SV2C: variants seen among roughly 807,000 people sequenced by gnomAD.
The protein encoded by SV2C is solute carrier family 22 member B3.
Under a neutral mutation model 79.7 loss-of-function variants are expected in SV2C, and 49 were observed. That is an observed-to-expected ratio of 0.61 (90% CI 0.49 to 0.78). SV2C has a LOEUF of 0.78. SV2C is among the 30% of genes least tolerant of loss of function. SV2C has a pLI of 0.00. For missense variants in SV2C, 833 were observed against 912.9 expected, an observed-to-expected ratio of 0.91 and a Z score of 1.13; for synonymous variants, 334 against 333.2, an observed-to-expected ratio of 1.00 and a Z score of -0.03.
At chr5:76,184,962 A>G (rs1026250668) in intron 2 of SV2C, among the ~76,000 whole-genome samples, 3 of 152,192 alleles carry the variant, frequency 2.0e-5, no homozygotes, top group Admixed American at 1.3e-4. Flanking sequence ...CCTTCTTCCT[A>G]TGAGCCTGTA....
At chr5:76,351,272 C>T (rs1749635872) in intron 12 of SV2C, among the ~76,000 whole-genome samples, 1 of 151,982 alleles carries the variant, frequency 6.6e-6, no homozygotes, top group Non-Finnish European at 1.5e-5. Flanking sequence ...ATAGTGAGAC[C>T]TTGTCTCTAC....
the SV2C span, among the ~76,000 whole-genome samples, chr5:76,065,167 A>G: frequency 4.2e-4 from 64 of 152,352 alleles, no homozygotes; most frequent in Admixed American, 4.6e-4. Context: ...CTGAACCTTC[A>G]GTGCATGTAG....
chr5:76,016,922 A>G, the SV2C span, among the ~76,000 whole-genome samples: 1 of 152,250 alleles, frequency 6.6e-6, no homozygotes. Flanking sequence ...TGTCATTAAT[A>G]TCATTAAAAT....
chr5:76,264,949 T>C (rs998990879), intron 4 of SV2C, among the ~76,000 whole-genome samples: 3 of 152,200 alleles, frequency 2.0e-5, no homozygotes, highest in Admixed American at 6.5e-5. Context: ...TGTCCCTTGG[T>C]AGAGCTTGAG....
chr5:75,910,841 G>T, the SV2C span: 1 of 1,270,516 alleles, frequency 7.9e-7, no homozygotes, highest in Non-Finnish European at 1.1e-6. Context: ...CTTCTACAGG[G>T]AAATGAGCAA....
intron 2 of SV2C, among the ~76,000 whole-genome samples, chr5:76,186,317 T>C (rs951574324): frequency 6.6e-6 from 1 of 152,202 alleles, no homozygotes. Context: ...AGAGCAGTGC[T>C]TCACTACCCA....
chr5:76,020,854 C>G, the SV2C span, among the ~76,000 whole-genome samples: 1 of 152,140 alleles, frequency 6.6e-6, no homozygotes. Context: ...TTACTGAAGG[C>G]AGAAGATTCT....
intron 1 of SV2C, among the ~76,000 whole-genome samples, chr5:76,127,658 G>A (rs1748753558): frequency 6.6e-6 from 1 of 152,148 alleles, no homozygotes; most frequent in African/African-American, 2.4e-5. Flanking sequence ...GTGTGCCTTT[G>A]CCTTCCTCGG....
the SV2C span, among the ~76,000 whole-genome samples, chr5:75,883,400 A>T: frequency 1.4e-5 from 2 of 144,182 alleles, no homozygotes; most frequent in African/African-American, 5.7e-5. Flanking sequence ...ACGTATGTTT[A>T]TTGCGGCATT....
At chr5:75,941,619 A>G in the SV2C span, among the ~76,000 whole-genome samples, 1 of 152,208 alleles carries the variant, frequency 6.6e-6, no homozygotes, top group Non-Finnish European at 1.5e-5. Context: ...TATGATACAT[A>G]CATTGGTTTT....
chr5:76,088,844 A>G (rs942188294), intron 1 of SV2C, among the ~76,000 whole-genome samples: 2 of 152,110 alleles, frequency 1.3e-5, no homozygotes, highest in Non-Finnish European at 2.9e-5. Flanking sequence ...CCCCTTCACT[A>G]ATCTACAAAT....
chr5:76,330,514 GA>G lies in SV2C; in HGVS notation c.*4969del, dbSNP rs1180807011. ...TGAGGGCAAGGAAAACAGAATGAGA[GA>G]AGACACTCTCACACTGACCCCCATT... On this transcript the variant is annotated 3_prime_UTR_variant, in exon 13 of 13. Transcript: ENST00000502798. The G allele has an allele frequency of 1.3e-5, 2 of 151,584 alleles. No individual in the cohort carries two copies. Among genetic ancestry groups the G allele is most frequent in the African/African-American group, 4.8e-5 (2 of 41,246 alleles). 9.4% of individuals were successfully genotyped at this position (151,584 alleles called of 1,614,324 possible). A position where few individuals can be genotyped will look rare whatever the true frequency, so the allele number is the denominator to read the frequency against.
chr5:76,141,418 G>A (rs927541967), intron 2 of SV2C, among the ~76,000 whole-genome samples: 1 of 152,160 alleles, frequency 6.6e-6, no homozygotes, highest in Non-Finnish European at 1.5e-5. Flanking sequence ...CTAACGCTGA[G>A]AGCACTGGCC....
the SV2C span, among the ~76,000 whole-genome samples, chr5:75,946,305 C>A: frequency 1.3e-5 from 2 of 152,084 alleles, no homozygotes; most frequent in Non-Finnish European, 2.9e-5. Context: ...AATGTTTTAG[C>A]ATCATTTTTG....
the SV2C span, among the ~76,000 whole-genome samples, chr5:76,002,781 T>C: frequency 4.6e-5 from 7 of 152,164 alleles, no homozygotes; most frequent in Non-Finnish European, 1.0e-4. Flanking sequence ...TATGAAACAC[T>C]AAGAAGTGTA....
the SV2C span, among the ~76,000 whole-genome samples, chr5:75,930,417 A>C: frequency 3.3e-5 from 5 of 152,228 alleles, no homozygotes; most frequent in Non-Finnish European, 7.3e-5. Flanking sequence ...CTGGAAATTT[A>C]AGATTGAATT....
At chr5:75,868,417 G>A in the SV2C span, among the ~76,000 whole-genome samples, 18 of 152,248 alleles carry the variant, frequency 1.2e-4, no homozygotes, top group East Asian at 3.3e-3. Context: ...GAGCACTCGG[G>A]CTACTATGTG....
At position 76,327,447 on chromosome 5, in the gene SV2C, T is replaced by C. The variant is rs1453481174; in HGVS notation, c.*1900T>C. The C allele has an allele frequency of 1.3e-5, 2 of 152,256 alleles. No individual in the cohort carries two copies. Among genetic ancestry groups the C allele is most frequent in the Non-Finnish European group, 2.9e-5 (2 of 68,050 alleles). The allele number at this position is 152,256 out of a possible 1,614,324, so 9.4% of individuals were successfully genotyped here. ...GAAAGAAACAACTTTCTCTCACTTCTGCCTCCTATCATTTTATTGGAGAAC... is the reference window on the plus strand; with the variant it reads ...GAAAGAAACAACTTTCTCTCACTTCCGCCTCCTATCATTTTATTGGAGAAC... On this transcript the variant is annotated 3_prime_UTR_variant, in exon 13 of 13. Coordinates refer to ENST00000502798, the MANE Select transcript of SV2C (RefSeq NM_014979.4).
Position 76,332,820 on chromosome 5 carries a change from C to A in SV2C, c.*7273C>A, listed in dbSNP as rs1313806870. 6.6e-6 allele frequency: 1 copy of A among 152,192 alleles called. No homozygotes were observed. Among genetic ancestry groups the A allele is most frequent in the Non-Finnish European group, 1.5e-5 (1 of 68,050 alleles). The allele number at this position is 152,192 out of a possible 1,614,324, so 9.4% of individuals were successfully genotyped here. A position where few individuals can be genotyped will look rare whatever the true frequency, so the allele number is the denominator to read the frequency against. On this transcript the variant is annotated 3_prime_UTR_variant, in exon 13 of 13. Transcript: ENST00000502798. ...ATCTAAAGCCCTAAAGAATGCTTGG[C>A]CTCCCACTGCATAGACACAGGCCAC...
Sources: allele counts gnomAD v4.1 joint callset (sites outside exome capture counted in the v4.1 genomes callset), GRCh38; gene constraint gnomAD v4.1.1; transcripts MANE v1.5; gene names NCBI Gene and HGNC (gene_info 2026-07-23, HGNC 2026-07-21).